Variants in USP10 observed in about 807,000 individuals in gnomAD.
The protein encoded by USP10 is ubiquitin carboxyl-terminal hydrolase 10.
In USP10, 22 loss-of-function variants were observed where a neutral mutation model predicts 84.5. The ratio of observed to expected loss-of-function variants is 0.26; its 90% CI spans 0.19 to 0.37. The LOEUF is 0.37. Among genes scored for constraint, USP10 ranks in the 10% least tolerant of loss-of-function variants. The pLI is 1.00. For missense variants in USP10, 1,019 were observed against 998.9 expected, an observed-to-expected ratio of 1.02 and a Z score of -0.27; for synonymous variants, 454 against 387.6, an observed-to-expected ratio of 1.17 and a Z score of -2.01.
chr16:84,747,623 G>A (rs1911394549), intron 4 of USP10, among the ~76,000 whole-genome samples: 1 of 144,134 alleles, frequency 6.9e-6, no homozygotes, highest in Admixed American at 7.1e-5. Context: ...AGTGCAGGAG[G>A]CACGATCTTG....
chr16:84,770,750 C>A (rs534942008), intron 11 of USP10, among the ~76,000 whole-genome samples: 1 of 134,478 alleles, frequency 7.4e-6, no homozygotes, highest in South Asian at 2.3e-4. Context: ...CCGGCCTGGG[C>A]GACAGAGCGA....
At chr16:84,757,100 A>G (rs1912631249) in intron 4 of USP10, among the ~76,000 whole-genome samples, 1 of 152,184 alleles carries the variant, frequency 6.6e-6, no homozygotes, top group Non-Finnish European at 1.5e-5. Context: ...AATAATATAC[A>G]CAAAGCTTCT....
intron 1 of USP10, among the ~76,000 whole-genome samples, chr16:84,703,417 CTT>C (rs1163122150): frequency 6.6e-6 from 1 of 152,170 alleles, no homozygotes; most frequent in Non-Finnish European, 1.5e-5. Flanking sequence ...ACCCCAGTCT[CTT>C]TTTTAGCTTG....
intron 8 of USP10, among the ~76,000 whole-genome samples, chr16:84,762,464 G>A (rs983726680): frequency 2.5e-4 from 38 of 152,198 alleles, no homozygotes; most frequent in African/African-American, 8.0e-4. Context: ...GCCAAGGCAG[G>A]CAGGTCACCT....
chr16:84,721,315 C>T (rs1231647797), intron 1 of USP10, among the ~76,000 whole-genome samples: 1 of 152,026 alleles, frequency 6.6e-6, no homozygotes, highest in South Asian at 2.1e-4. Flanking sequence ...ATTCTTCTTC[C>T]GTAGATGAGA....
intron 11 of USP10, among the ~76,000 whole-genome samples, chr16:84,770,107 T>C (rs781252823): frequency 6.6e-6 from 1 of 152,100 alleles, no homozygotes; most frequent in Non-Finnish European, 1.5e-5. Flanking sequence ...ACCGTGTCTC[T>C]AAAACATAAG....
At chr16:84,743,423 C>T (rs1157527005) in intron 3 of USP10, among the ~76,000 whole-genome samples, 1 of 152,114 alleles carries the variant, frequency 6.6e-6, no homozygotes, top group African/African-American at 2.4e-5. Flanking sequence ...GTAACTGGCC[C>T]CTCTCAGCGT....
At chr16:84,759,770 A>G (rs939637347) in intron 6 of USP10, 121 bp from the exon 7 acceptor site, 58 of 1,036,776 alleles carry the variant, frequency 5.6e-5, no homozygotes, top group Non-Finnish European at 7.9e-5. Context: ...CTGTTACAGC[A>G]TTGGTTACCT....
Position 84,739,257 on chromosome 16 carries a change from GT to G in USP10, c.91-1042del, listed in dbSNP as rs199663831. ...GTATTTTTTAGTAGAGACAGGGTTT[GT>G]TTTTTTTTTGTTTTGTTTTGTTTTG... On this transcript the variant is annotated intron_variant, in intron 2 of 13. Coordinates refer to ENST00000219473, the MANE Select transcript of USP10 (RefSeq NM_005153.3). Among the ~76,000 whole-genome samples, 19 of 141,640 alleles carry G rather than the reference GT, an allele frequency of 1.3e-4. 3 individuals carry two copies. Among genetic ancestry groups the G allele is most frequent in the South Asian group, 9.0e-4 (4 of 4,456 alleles). 92.9% of individuals were successfully genotyped at this position (141,640 alleles called of 152,430 possible).
At chr16:84,741,410 G>A (rs191168453) in intron 3 of USP10, among the ~76,000 whole-genome samples, 13 of 152,354 alleles carry the variant, frequency 8.5e-5, no homozygotes, top group African/African-American at 2.9e-4. Context: ...ATCTGAGTCA[G>A]TGGGACTTCC....
At chr16:84,701,121 C>T (rs533840876) in intron 1 of USP10, among the ~76,000 whole-genome samples, 1 of 152,188 alleles carries the variant, frequency 6.6e-6, no homozygotes, top group African/African-American at 2.4e-5. Context: ...AAATCATAAC[C>T]CTTCATGAGC....
In USP10 at chr16:84,762,845, C is replaced by G. The variant is rs1346190604; in HGVS notation, c.1555-144C>G. The G allele has an allele frequency of 5.9e-6, 3 of 510,592 alleles. No individual in the cohort carries two copies. In the Admixed American group the frequency reaches 1.0e-4, roughly 17 times the overall value. 31.6% of individuals were successfully genotyped at this position (510,592 alleles called of 1,614,324 possible). A position where few individuals can be genotyped will look rare whatever the true frequency, so the allele number is the denominator to read the frequency against. On this transcript the variant is annotated intron_variant, in intron 8 of 13. Transcript: ENST00000219473. ...TGGGATTTCAGCTATGCAAGGGAAA[C>G]CCATGTCATCATGTCATTGTTTGGA...
Position 84,764,117 on chromosome 16 carries a change from C to G in USP10, c.1686C>G (p.His562Gln), listed in dbSNP as rs758033700. ...CGATTTCCAACGGCCCCAAAAACCACTCGGTCAATGAAGAAGAGCAGGAAG... is the reference window on the plus strand; with the variant it reads ...CGATTTCCAACGGCCCCAAAAACCAGTCGGTCAATGAAGAAGAGCAGGAAG... ...KLTISNGPKN[H>Q]SVNEEEQEEQ... Residue 562 changes from histidine (H) to glutamine (Q), a missense_variant, in exon 10 of 14, where the codon CAC becomes CAG. By Grantham distance (24) the His-to-Gln change is conservative. Around this residue, in one of 2 missense-constraint regions of USP10, gnomAD observed 787 missense variants for 708.8 expected, o/e 1.11. Coordinates refer to ENST00000219473, the MANE Select transcript of USP10 (RefSeq NM_005153.3). The G allele has an allele frequency of 6.2e-7, 1 of 1,613,684 alleles. No individual in the cohort carries two copies. Among genetic ancestry groups the G allele is most frequent in the South Asian group, 1.1e-5 (1 of 91,064 alleles).
At chr16:84,741,845 C>G (rs1202963052) in intron 3 of USP10, among the ~76,000 whole-genome samples, 1 of 152,230 alleles carries the variant, frequency 6.6e-6, no homozygotes, top group Non-Finnish European at 1.5e-5. Flanking sequence ...ACCTGCCTCT[C>G]TTTCCAGCCT....
chr16:84,732,158 T>A (rs1280205440), intron 1 of USP10, among the ~76,000 whole-genome samples: 1 of 152,214 alleles, frequency 6.6e-6, no homozygotes, highest in Non-Finnish European at 1.5e-5. Context: ...GGGTATTACA[T>A]TTAGTGGCCA....
chr16:84,712,065 C>T (rs968749987), intron 1 of USP10, among the ~76,000 whole-genome samples: 5 of 152,088 alleles, frequency 3.3e-5, no homozygotes, highest in Non-Finnish European at 4.4e-5. Flanking sequence ...AGCTGTGCTT[C>T]GTTGCCCTTG....
At chr16:84,749,404 A>G (rs1346097123) in intron 4 of USP10, among the ~76,000 whole-genome samples, 1 of 152,214 alleles carries the variant, frequency 6.6e-6, no homozygotes, top group African/African-American at 2.4e-5. Context: ...CTACTGAGAC[A>G]GTGGTATTTG....
chr16:84,760,224 C>A lies in USP10; in HGVS notation c.1503C>A (p.Pro501=). 1 of 1,611,286 alleles carries A rather than the reference C, an allele frequency of 6.2e-7. No homozygotes were observed. The highest frequency in any genetic ancestry group is 8.5e-7 in the Non-Finnish European group (1 of 1,178,672). The part of the protein sequence containing the change: ...RDIRPGAAFE[P]TYIYRLLTVN... ...TTCGCCCTGGAGCTGCCTTTGAGCCCACATATATTTACAGACTCCTGACAG... is the reference window on the plus strand; with the variant it reads ...TTCGCCCTGGAGCTGCCTTTGAGCCAACATATATTTACAGACTCCTGACAG... The change falls in exon 8 of 14, where the codon CCC becomes CCA. Residue 501 remains proline, a synonymous_variant. Transcript: ENST00000219473.
At chr16:84,736,453 A>G (rs1034461773) in intron 2 of USP10, among the ~76,000 whole-genome samples, 1 of 152,246 alleles carries the variant, frequency 6.6e-6, no homozygotes, top group Non-Finnish European at 1.5e-5. Context: ...TAGTGGCATC[A>G]GGAGAAACGA....
Sources: allele counts gnomAD v4.1 joint callset (sites outside exome capture counted in the v4.1 genomes callset), GRCh38; gene constraint gnomAD v4.1.1; regional missense constraint gnomAD v4.1.1; transcripts MANE v1.5; gene names NCBI Gene and HGNC (gene_info 2026-07-23, HGNC 2026-07-21).